LRRC9: variants seen among roughly 807,000 people sequenced by gnomAD.
LRRC9 encodes leucine-rich repeat-containing protein 9.
A neutral mutation model predicts 63.2 loss-of-function variants in LRRC9; 122 were observed. That is an observed-to-expected ratio of 1.93 (90% CI 1.67 to 2.24). LRRC9 has a LOEUF of 2.24. Ranked by LOEUF, LRRC9 falls within the 30% of genes most tolerant of loss-of-function variation. The pLI, the probability that LRRC9 is intolerant of heterozygous loss-of-function variation, is 0.00. For missense variants in LRRC9, 1,071 were observed against 627.7 expected (o/e 1.71, Z -7.55); for synonymous variants, 366 against 213.1 (o/e 1.72, Z -6.25).
chr14:59,938,623 G>A lies in LRRC9; in HGVS notation c.726+51G>A, dbSNP rs542300219. The A allele has an allele frequency of 3.9e-5, 24 of 622,068 alleles. No homozygotes were observed. The highest frequency in any genetic ancestry group is 7.7e-5 in the South Asian group (4 of 51,828). The allele number at this position is 622,068 out of a possible 1,614,324, so 38.5% of individuals were successfully genotyped here. A position where few individuals can be genotyped will look rare whatever the true frequency, so the allele number is the denominator to read the frequency against. On this transcript the variant is annotated intron_variant, in intron 7 of 31. Transcript: ENST00000445360. This position sits in a 1 kb window ranked among gnomAD's most constrained non-coding sequence, Gnocchi z 4.2. ...TGTGATTTCAGTTTTATTAGTTAAC[G>A]GCTTCTTTCTGGCCATGTCCACATA...
chr14:60,039,577 G>A (rs966818382), intron 29 of LRRC9, among the ~76,000 whole-genome samples: 2 of 152,150 alleles, frequency 1.3e-5, no homozygotes, highest in Non-Finnish European at 1.5e-5. Flanking sequence ...TTCTCTGACA[G>A]TAGTTTGTAT....
intron 28 of LRRC9, among the ~76,000 whole-genome samples, chr14:60,029,556 A>G (rs1186510056): frequency 1.3e-5 from 2 of 152,116 alleles, no homozygotes; most frequent in Admixed American, 1.3e-4. Context: ...CCTTCTTCCT[A>G]GCAAGTATCA....
chr14:60,058,377 T>C lies in LRRC9; in HGVS notation c.4276+355T>C, dbSNP rs1894433047. ...ACAACTACTAAAACCAGTTCATTAGTGCATCCTGCTAAAAGTGGAAATCAG... is the reference window on the plus strand; with the variant it reads ...ACAACTACTAAAACCAGTTCATTAGCGCATCCTGCTAAAAGTGGAAATCAG... On this transcript the variant is annotated intron_variant, in intron 31 of 31. Transcript: ENST00000445360. This position sits in a 1 kb window ranked among gnomAD's most constrained non-coding sequence, Gnocchi z 4.4. 6.6e-6 allele frequency among the ~76,000 whole-genome samples: 1 copy of C among 152,156 alleles called. No homozygotes were observed. The highest frequency in any genetic ancestry group is 1.5e-5 in the Non-Finnish European group (1 of 68,004).
chr14:60,028,228 T>C (rs1891710385), intron 28 of LRRC9, 127 bp downstream of exon 28: 6 of 579,932 alleles, frequency 1.0e-5, no homozygotes, highest in South Asian at 4.5e-5. Context: ...ATACCATCTA[T>C]ATTTCAAGTC....
intron 16 of LRRC9, among the ~76,000 whole-genome samples, chr14:59,984,712 G>A (rs542833084): frequency 1.3e-5 from 2 of 152,234 alleles, no homozygotes; most frequent in Admixed American, 1.3e-4. Context: ...TCTCTTGTGT[G>A]AGGTACCCTA....
chr14:60,004,831 C>A lies in LRRC9; in HGVS notation c.2842+1033C>A, dbSNP rs571003777. On this transcript the variant is annotated intron_variant, in intron 21 of 31. Transcript: ENST00000445360. The surrounding 1 kb of genome is among the most constrained non-coding windows in gnomAD (Gnocchi z 4.8). ...AACTCCTAGAAATTAAAAAATATGT[C>A]CACAAGTGTGCACTATTTGATTGAA... Among the ~76,000 whole-genome samples the A allele has an allele frequency of 2.6e-5, 4 of 151,988 alleles. No individual in the cohort carries two copies. In the South Asian group the frequency reaches 8.3e-4, roughly 32 times the overall value.
chr14:59,920,857 T>C (rs1162936135), intron 1 of LRRC9, among the ~76,000 whole-genome samples: 1 of 152,230 alleles, frequency 6.6e-6, no homozygotes, highest in African/African-American at 2.4e-5. Flanking sequence ...AATTAACCCA[T>C]TAAACAATTT....
Position 60,027,735 on chromosome 14 carries a change from C to T in LRRC9, c.3704-149C>T, listed in dbSNP as rs980159705. The T allele has an allele frequency of 1.3e-5, 7 of 533,574 alleles. No individual in the cohort carries two copies. The highest frequency in any genetic ancestry group is 2.0e-5 in the Non-Finnish European group (6 of 303,854). The allele number at this position is 533,574 out of a possible 1,614,324, so 33.1% of individuals were successfully genotyped here. A position where few individuals can be genotyped will look rare whatever the true frequency, so the allele number is the denominator to read the frequency against. The stretch of plus-strand genomic sequence containing the variant: ...GATGATGCTACCTTCCTGTAAATTA[C>T]ATTTCAATTTCTCTTTGGAAATAAG... On this transcript the variant is annotated intron_variant, in intron 27 of 31. Transcript: ENST00000445360. This position sits in a 1 kb window ranked among gnomAD's most constrained non-coding sequence, Gnocchi z 4.0.
intron 8 of LRRC9, among the ~76,000 whole-genome samples, chr14:59,952,828 G>A (rs1342882201): frequency 6.6e-6 from 1 of 152,086 alleles, no homozygotes; most frequent in African/African-American, 2.4e-5. Flanking sequence ...CTCGCAACAG[G>A]ACCTGGTGTG....
At position 60,053,023 on chromosome 14, in the gene LRRC9, A is replaced by C; in HGVS notation, c.3991-42A>C. On this transcript the variant is annotated intron_variant, in intron 29 of 31. Transcript: ENST00000445360. The surrounding 1 kb of genome is among the most constrained non-coding windows in gnomAD (Gnocchi z 4.8). ...TCTATACAGGTTAATCTTTGAAATA[A>C]AAGTTTTGTAGGAATAAATTGTTAT... 1.5e-6 allele frequency: 1 copy of C among 677,456 alleles called. No individual in the cohort carries two copies. The highest frequency in any genetic ancestry group is 2.7e-6 in the Non-Finnish European group (1 of 371,684). 42.0% of individuals were successfully genotyped at this position (677,456 alleles called of 1,614,324 possible).
intron 23 of LRRC9, among the ~76,000 whole-genome samples, chr14:60,009,978 G>A (rs1484773761): frequency 1.3e-5 from 2 of 152,204 alleles, no homozygotes; most frequent in East Asian, 3.9e-4. Flanking sequence ...CACTCCTGTG[G>A]CTTTGCTGGA....
chr14:60,025,446 C>G (rs1294541116), intron 27 of LRRC9, among the ~76,000 whole-genome samples: 2 of 151,914 alleles, frequency 1.3e-5, no homozygotes, highest in Non-Finnish European at 2.9e-5. Flanking sequence ...AGCAGACCAC[C>G]TAACCCTGTA....
intron 22 of LRRC9, 67 bp from the exon 23 acceptor site, chr14:60,008,025 A>G (rs916272777): frequency 4.1e-6 from 2 of 490,628 alleles, no homozygotes; most frequent in Non-Finnish European, 7.2e-6. Flanking sequence ...AAATTTGAGG[A>G]TGGCTAACCT....
At chr14:60,028,236 G>A (rs957417943) in intron 28 of LRRC9, 135 bp downstream of exon 28, 1 of 576,912 alleles carries the variant, frequency 1.7e-6, no homozygotes, top group African/African-American at 1.9e-5. Flanking sequence ...TATATTTCAA[G>A]TCATAGAAAT....
At chr14:60,055,423 T>C (rs922067987) in intron 30 of LRRC9, among the ~76,000 whole-genome samples, 1 of 152,218 alleles carries the variant, frequency 6.6e-6, no homozygotes, top group African/African-American at 2.4e-5. Flanking sequence ...TCTTTCCTTT[T>C]CCCTTTTTTA....
intron 8 of LRRC9, 124 bp downstream of exon 8, chr14:59,944,868 A>T (rs199860767): frequency 0.05 from 5,645 of 112,496 alleles, 201 homozygotes; most frequent in East Asian, 0.43. Flanking sequence ...ACACACACTC[A>T]CACACACACA....
At chr14:59,955,260 A>G (rs1205591528) in intron 8 of LRRC9, among the ~76,000 whole-genome samples, 1 of 152,188 alleles carries the variant, frequency 6.6e-6, no homozygotes, top group Admixed American at 6.5e-5. Context: ...GTGGCTGTCA[A>G]TCCATCAGGT....
intron 8 of LRRC9, among the ~76,000 whole-genome samples, chr14:59,952,915 T>C (rs1260963171): frequency 6.6e-6 from 1 of 152,166 alleles, no homozygotes; most frequent in African/African-American, 2.4e-5. Flanking sequence ...GGTGTTTGGT[T>C]TTCTGTTCCT....
Position 59,927,569 on chromosome 14 carries a change from G to A in LRRC9, c.-33-342G>A, listed in dbSNP as rs1889313592. Among the ~76,000 whole-genome samples the A allele has an allele frequency of 6.6e-6, 1 of 152,012 alleles. No homozygotes were observed. Among genetic ancestry groups the A allele is most frequent in the African/African-American group, 2.4e-5 (1 of 41,402 alleles). ...AAGGAGAGAAACATGAGTATATAGT[G>A]AGAGAACTAACAACTTGAACTGGGA... On this transcript the variant is annotated intron_variant, in intron 1 of 31. Transcript: ENST00000445360. This position sits in a 1 kb window ranked among gnomAD's most constrained non-coding sequence, Gnocchi z 4.4.
Sources: gnomAD v4.1 joint callset for allele counts (sites outside exome capture counted in the v4.1 genomes callset) on GRCh38, gnomAD v4.1.1 for gene constraint, Gnocchi (gnomAD v3.1) non-coding constraint, MANE v1.5 for transcripts, NCBI Gene and HGNC (gene_info 2026-07-23, HGNC 2026-07-21) for gene names.